Variants in MYH16 observed in about 807,000 individuals in gnomAD.
MYH16 encodes the protein myosin heavy chain 16, also known as putative uncharacterized protein MYH16.
At chr7:99,298,737 AT>A (rs1792541406) in intron 36 of MYH16, among the ~76,000 whole-genome samples, 1 of 143,558 alleles carries the variant, frequency 7.0e-6, no homozygotes, top group Non-Finnish European at 1.5e-5. Context: ...ATTTGCAAAT[AT>A]TTTTTCCCAT....
At chr7:99,276,117 G>A (rs1408208978) in intron 20 of MYH16, among the ~76,000 whole-genome samples, 1 of 152,112 alleles carries the variant, frequency 6.6e-6, no homozygotes. Context: ...AGATAGGCTG[G>A]GTCAATGAAA....
chr7:99,282,641 TTTTG>T (rs146161853), intron 23 of MYH16, among the ~76,000 whole-genome samples: 13,298 of 151,604 alleles, frequency 0.088, 1,601 homozygotes, highest in African/African-American at 0.27. Context: ...CCCCACTAAT[TTTTG>T]TTTGTTTTTG....
At chr7:99,254,429 A>T (rs915272718) in intron 8 of MYH16, among the ~76,000 whole-genome samples, 3 of 152,310 alleles carry the variant, frequency 2.0e-5, no homozygotes, top group Non-Finnish European at 4.4e-5. Flanking sequence ...GTGAGGCTTT[A>T]AACCCTTTAT....
intron 33 of MYH16, among the ~76,000 whole-genome samples, chr7:99,295,896 C>G (rs1792482072): frequency 1.4e-5 from 2 of 139,308 alleles, no homozygotes; most frequent in Non-Finnish European, 3.0e-5. Context: ...AATCTCAGCA[C>G]TTTGGGAGGC....
chr7:99,285,355 G>A (rs1358642815), intron 26 of MYH16, 27 bp from the exon 9 acceptor site: 1 of 456,446 alleles, frequency 2.2e-6, no homozygotes, highest in Non-Finnish European at 4.4e-6. Flanking sequence ...TGGCAGAGAT[G>A]AATCCCCTCC....
Position 99,266,244 on chromosome 7 carries a change from T to C in MYH16, n.2145+557T>C, listed in dbSNP as rs60470212. The stretch of plus-strand genomic sequence containing the variant: ...TTGCCTGTTGCACTAACTGCCCCCA[T>C]AACGTGCCTTTTATTGGCTTTCTTC... On this transcript the variant is annotated intron_variant and non_coding_transcript_variant, in intron 17 of 41. Coordinates refer to ENST00000439784, the Ensembl canonical transcript of MYH16. 6.2e-3 allele frequency among the ~76,000 whole-genome samples: 948 copies of C among 152,300 alleles called. 14 individuals are homozygous for C. Among genetic ancestry groups the C allele is most frequent in the African/African-American group, 0.022 (912 of 41,572 alleles).
chr7:99,288,207 G>A (rs988769084), intron 29 of MYH16, 70 bp downstream of exon 10: 8 of 439,012 alleles, frequency 1.8e-5, no homozygotes, highest in Non-Finnish European at 3.2e-5. Context: ...GGAGGCTGAG[G>A]CAGGAGGATT....
In MYH16 at chr7:99,247,470, T is replaced by G. The variant is rs1042777830; in HGVS notation, n.355-124T>G. ...GATTACAGGCATAAACCACCACACC[T>G]GGCAGAAAGCTTGCCTTCTTCACAG... On this transcript the variant is annotated intron_variant and non_coding_transcript_variant, in intron 2 of 41. Coordinates refer to ENST00000439784, the Ensembl canonical transcript of MYH16. 6 of 152,432 alleles carry G rather than the reference T, an allele frequency of 3.9e-5. No homozygotes were observed. The East Asian group carries it at 1.2e-3, about 29-fold the overall frequency. The allele number at this position is 152,432 out of a possible 1,614,324, so 9.4% of individuals were successfully genotyped here. A position where few individuals can be genotyped will look rare whatever the true frequency, so the allele number is the denominator to read the frequency against.
chr7:99,260,393 C>A, intron 12 of MYH16: 1 of 725,266 alleles, frequency 1.4e-6, no homozygotes. Flanking sequence ...ATGTCACTGG[C>A]ACATGCAGGG....
chr7:99,262,526 G>T (rs1275558858), intron 13 of MYH16, among the ~76,000 whole-genome samples: 1 of 152,208 alleles, frequency 6.6e-6, no homozygotes, highest in South Asian at 2.1e-4. Flanking sequence ...AAGTCAAGTG[G>T]CACCTGTGCA....
chr7:99,259,843 GTA>G (rs1476620620), intron 11 of MYH16, among the ~76,000 whole-genome samples: 1 of 49,630 alleles, frequency 2.0e-5, no homozygotes, highest in Admixed American at 2.4e-4. Flanking sequence ...ATATATGTAT[GTA>G]TGTGTATATA....
chr7:99,309,602 G>A (rs1287702539), downstream of MYH16, among the ~76,000 whole-genome samples: 2 of 152,192 alleles, frequency 1.3e-5, no homozygotes, highest in South Asian at 2.1e-4. Flanking sequence ...TCTGACCTAG[G>A]TGGGAACTAC....
chr7:99,245,327 G>A (rs1389446102), intron 2 of MYH16, among the ~76,000 whole-genome samples: 4 of 152,162 alleles, frequency 2.6e-5, no homozygotes, highest in African/African-American at 9.7e-5. Flanking sequence ...GGGTGGATAG[G>A]GAGCAGTTAT....
chr7:99,273,552 A>G (rs924461910), intron 20 of MYH16, 129 bp downstream of exon 2: 3 of 389,718 alleles, frequency 7.7e-6, no homozygotes, highest in East Asian at 7.3e-5. Context: ...AGGGCACCTT[A>G]GAGACAAAAA....
chr7:99,303,969 T>C (rs117731982), intron 39 of MYH16, among the ~76,000 whole-genome samples: 1,812 of 152,250 alleles, frequency 0.012, 16 homozygotes, highest in Middle Eastern at 0.075. Context: ...CTCAGCCCAG[T>C]ATCCCTTCGG....
exon 29 of MYH16, chr7:99,287,991 A>T: frequency 2.2e-6 from 1 of 456,770 alleles, no homozygotes; most frequent in Non-Finnish European, 4.4e-6. Context: ...CACACTGCGC[A>T]AGAAGCACGT....
At chr7:99,304,090 T>A (rs1792646796) in intron 39 of MYH16, among the ~76,000 whole-genome samples, 1 of 152,136 alleles carries the variant, frequency 6.6e-6, no homozygotes, top group Non-Finnish European at 1.5e-5. Context: ...TCTCAGGAGT[T>A]CAGGAACATT....
At chr7:99,280,530 C>G (rs2150820708) in intron 22 of MYH16, among the ~76,000 whole-genome samples, 1 of 152,342 alleles carries the variant, frequency 6.6e-6, no homozygotes, top group Non-Finnish European at 1.5e-5. Context: ...GGTTCTCGAG[C>G]AGGGTAAGCA....
intron 36 of MYH16, among the ~76,000 whole-genome samples, chr7:99,299,229 G>A (rs887385006): frequency 9.2e-5 from 14 of 152,044 alleles, no homozygotes; most frequent in African/African-American, 1.7e-4. Context: ...AGAATGTGAC[G>A]GTTTTTCCAT....
Sources: allele counts gnomAD v4.1 joint callset (sites outside exome capture counted in the v4.1 genomes callset), GRCh38; gene constraint gnomAD v4.1.1; transcripts MANE v1.5; gene names NCBI Gene and HGNC (gene_info 2026-07-23, HGNC 2026-07-21).